The following TOPAZ1 variants were observed in gnomAD, a reference collection of about 807,000 sequenced individuals.
TOPAZ1 encodes the protein testis and ovary specific TOPAZ 1.
In TOPAZ1, 66 loss-of-function variants were observed where a neutral mutation model predicts 172.2. The observed-to-expected ratio is 0.38, with a 90% CI of 0.31 to 0.47. TOPAZ1 has a LOEUF of 0.47. Among genes scored for constraint, TOPAZ1 ranks in the 20% least tolerant of loss-of-function variants. The pLI, the probability that TOPAZ1 is intolerant of heterozygous loss-of-function variation, is 0.99. For synonymous variants in TOPAZ1, 681 were observed against 683.9 expected (o/e 1.00, Z 0.07); for missense variants, 1,822 against 1,972.4 (o/e 0.92, Z 1.44).
chr3:44,266,105 C>T (rs756432356), intron 5 of TOPAZ1, among the ~76,000 whole-genome samples: 16 of 150,958 alleles, frequency 1.1e-4, no homozygotes, highest in East Asian at 9.7e-4. Flanking sequence ...TGATTTGTTT[C>T]GTGAAACCTC....
chr3:44,242,174 G>T lies in TOPAZ1; in HGVS notation c.121G>T (p.Gly41Trp). 3.2e-6 allele frequency: 5 copies of T among 1,544,170 alleles called. No individual in the cohort carries two copies. Among genetic ancestry groups the T allele is most frequent in the Non-Finnish European group, 3.5e-6 (4 of 1,144,956 alleles). Reference sequence around the variant, plus strand: ...GGCGGGAGGCTGTGGCCCTGAGGCCGGGGGGTGCCGGGAAAATAAGCAAAA... The same window carrying T: ...GGCGGGAGGCTGTGGCCCTGAGGCCTGGGGGTGCCGGGAAAATAAGCAAAA... ...GAAGGCGPEAGGCRENKQKRR... is the reference protein window; with the variant it reads ...GAAGGCGPEAWGCRENKQKRR... The change falls in exon 1 of 20, where the codon GGG (glycine) becomes TGG (tryptophan). Residue 41 changes from glycine to tryptophan, a missense_variant. Around this residue, in one of 2 missense-constraint regions of TOPAZ1, gnomAD observed 1,489 missense variants for 1,490.8 expected, o/e 1.00. Transcript: ENST00000309765.
chr3:44,289,620 A>G (rs1010814639), intron 11 of TOPAZ1, among the ~76,000 whole-genome samples: 14 of 152,090 alleles, frequency 9.2e-5, no homozygotes, highest in South Asian at 4.1e-4. Flanking sequence ...GGTGGGGAAA[A>G]TCTCTCAGCA....
intron 19 of TOPAZ1, 139 bp downstream of exon 19, chr3:44,328,572 G>A (rs1700629205): frequency 2.4e-6 from 1 of 421,120 alleles, no homozygotes; most frequent in African/African-American, 2.1e-5. Context: ...TTATGTGTGT[G>A]TATTGCAAAC....
chr3:44,254,304 T>C (rs536541711), intron 2 of TOPAZ1, among the ~76,000 whole-genome samples: 1 of 152,278 alleles, frequency 6.6e-6, no homozygotes, highest in East Asian at 1.9e-4. Flanking sequence ...TCCTTTGACA[T>C]TGACCGTATG....
intron 12 of TOPAZ1, among the ~76,000 whole-genome samples, chr3:44,292,016 G>C (rs1700143469): frequency 6.6e-6 from 1 of 152,152 alleles, no homozygotes; most frequent in Non-Finnish European, 1.5e-5. Context: ...TGTCTGACAG[G>C]TGTCAGCCTT....
At chr3:44,297,184 A>T (rs1378403056) in intron 12 of TOPAZ1, among the ~76,000 whole-genome samples, 1 of 143,860 alleles carries the variant, frequency 7.0e-6, no homozygotes, top group East Asian at 2.2e-4. Flanking sequence ...AAAAAAAAGA[A>T]AAAAGAAAAG....
At chr3:44,246,656 C>G (rs753644765) in intron 2 of TOPAZ1, among the ~76,000 whole-genome samples, 10 of 152,304 alleles carry the variant, frequency 6.6e-5, no homozygotes, top group Middle Eastern at 3.4e-3. Context: ...CTCCTAGTAA[C>G]AGAATCTGGA....
chr3:44,249,973 C>A (rs1451715075), intron 2 of TOPAZ1, among the ~76,000 whole-genome samples: 1 of 152,110 alleles, frequency 6.6e-6, no homozygotes, highest in Non-Finnish European at 1.5e-5. Flanking sequence ...GTCTCAAATC[C>A]ATAGGCAGCC....
chr3:44,299,949 T>C (rs1238724592), intron 12 of TOPAZ1, among the ~76,000 whole-genome samples: 1 of 42,210 alleles, frequency 2.4e-5, no homozygotes, highest in African/African-American at 8.0e-5. Context: ...CTGGGGACTG[T>C]TGTGGGGTGG....
chr3:44,242,061 G>C lies in TOPAZ1; in HGVS notation c.8G>C (p.Arg3Pro). 6.5e-7 allele frequency: 1 copy of C among 1,544,512 alleles called. No individual in the cohort carries two copies. The change falls in exon 1 of 20, where the codon CGA (arginine) becomes CCA (proline). Residue 3 changes from arginine (R) to proline (P), a missense_variant. Arg to Pro is a moderately radical substitution (Grantham distance 103). Around this residue, in one of 2 missense-constraint regions of TOPAZ1, gnomAD observed 1,489 missense variants for 1,490.8 expected, o/e 1.00. Coordinates refer to ENST00000309765, the MANE Select transcript of TOPAZ1 (RefSeq NM_001145030.2). MR[R>P]PPPLGPTTAS... The stretch of plus-strand genomic sequence containing the variant: ...GGGCCGGCCCCGGGGCACATGCGAC[G>C]ACCTCCACCCCTGGGCCCCACGACG...
Position 44,256,201 on chromosome 3 carries a change from G to A in TOPAZ1, c.2878G>A (p.Val960Ile), listed in dbSNP as rs1321223375. 15 of 1,531,742 alleles carry A rather than the reference G, an allele frequency of 9.8e-6. No individual in the cohort carries two copies. The highest frequency in any genetic ancestry group is 7.0e-6 in the Non-Finnish European group (8 of 1,141,194). 94.9% of individuals were successfully genotyped at this position (1,531,742 alleles called of 1,614,324 possible). Reference sequence around the variant, plus strand: ...AGATGTAAACACTTCCTTAGGAGAAGTTGCTAATGAGACCTCTGAAAATGA... The same window carrying A: ...AGATGTAAACACTTCCTTAGGAGAAATTGCTAATGAGACCTCTGAAAATGA... ...PKDVNTSLGE[V>I]ANETSENETL... Residue 960 changes from valine (V) to isoleucine (I), a missense_variant, in exon 4 of 20, where the codon GTT (valine) becomes ATT (isoleucine). This residue lies in a region of TOPAZ1 where 1,489 missense variants were observed against 1,490.8 expected (regional missense o/e 1.00). Transcript: ENST00000309765.
chr3:44,262,672 T>C (rs561613131), intron 5 of TOPAZ1, among the ~76,000 whole-genome samples, 189 bp downstream of exon 5: 5 of 152,272 alleles, frequency 3.3e-5, no homozygotes, highest in African/African-American at 1.2e-4. Flanking sequence ...CTTAAAGCTG[T>C]CACTAAGTTT....
intron 5 of TOPAZ1, among the ~76,000 whole-genome samples, chr3:44,262,955 C>G (rs530400537): frequency 6.6e-6 from 1 of 152,270 alleles, no homozygotes; most frequent in African/African-American, 2.4e-5. Context: ...GCAAGGCTCA[C>G]CCAGGACAGG....
Position 44,332,006 on chromosome 3 carries a change from C to T in TOPAZ1, c.5074C>T (p.His1692Tyr). 1 of 1,527,806 alleles carries T rather than the reference C, an allele frequency of 6.5e-7. No homozygotes were observed. The highest frequency in any genetic ancestry group is 8.8e-7 in the Non-Finnish European group (1 of 1,135,734). The allele number at this position is 1,527,806 out of a possible 1,614,324, so 94.6% of individuals were successfully genotyped here. The change falls in exon 20 of 20, where the codon CAT becomes TAT. Residue 1692 changes from histidine (H) to tyrosine (Y), a missense_variant. By Grantham distance (83) the His-to-Tyr change is moderately conservative (BLOSUM62 2). This residue lies in a region of TOPAZ1 where 333 missense variants were observed against 481.7 expected (regional missense o/e 0.69). Transcript: ENST00000309765. The part of the protein sequence containing the change: ...WAGKVWLFSN[H>Y] The stretch of plus-strand genomic sequence containing the variant: ...TGGAAAGGTTTGGCTTTTCAGTAAC[C>T]ATTAGCTAATAAAGTCTGCTTTTTT...
At chr3:44,295,160 T>C (rs1478453888) in intron 12 of TOPAZ1, among the ~76,000 whole-genome samples, 1 of 152,204 alleles carries the variant, frequency 6.6e-6, no homozygotes, top group East Asian at 1.9e-4. Context: ...TTTTTAGTTG[T>C]TGCTCTAATG....
At chr3:44,271,769 TTTACTC>T (rs1699901814) in intron 8 of TOPAZ1, among the ~76,000 whole-genome samples, 1 of 152,138 alleles carries the variant, frequency 6.6e-6, no homozygotes, top group South Asian at 2.1e-4. Flanking sequence ...ATATTTGAAA[TTTACTC>T]TTAGCAATTA....
chr3:44,269,550 A>G (rs1159108889), intron 7 of TOPAZ1, among the ~76,000 whole-genome samples: 1 of 114,424 alleles, frequency 8.7e-6, no homozygotes, highest in Non-Finnish European at 1.6e-5. Flanking sequence ...CAATGGCATG[A>G]TCTCGGCTCA....
intron 16 of TOPAZ1, among the ~76,000 whole-genome samples, chr3:44,318,377 G>A (rs28566631): frequency 0.01 from 1,535 of 152,002 alleles, 24 homozygotes; most frequent in African/African-American, 0.035. Flanking sequence ...ACTTGAACCC[G>A]GGAGGCGGAG....
intron 19 of TOPAZ1, among the ~76,000 whole-genome samples, chr3:44,330,766 A>G (rs541727314): frequency 9.9e-4 from 151 of 152,346 alleles, no homozygotes; most frequent in Non-Finnish European, 1.8e-3. Context: ...TAACAGCCAC[A>G]CCTCTATTTT....
Sources: allele counts gnomAD v4.1 joint callset (sites outside exome capture counted in the v4.1 genomes callset), GRCh38; gene constraint gnomAD v4.1.1; regional missense constraint gnomAD v4.1.1; transcripts MANE v1.5; gene names NCBI Gene and HGNC (gene_info 2026-07-23, HGNC 2026-07-21).